The following NPAS3 variants were observed in gnomAD, a reference collection of about 807,000 sequenced individuals.
NPAS3 encodes the protein neuronal PAS domain protein 3, also known as neuronal PAS domain-containing protein 3.
Under a neutral mutation model 73.1 loss-of-function variants are expected in NPAS3, and 14 were observed. The observed-to-expected ratio is 0.19, with a 90% CI of 0.13 to 0.30. NPAS3 has a LOEUF of 0.30. Among genes scored for constraint, NPAS3 ranks in the 10% least tolerant of loss-of-function variants. NPAS3 has a pLI of 1.00. For synonymous variants in NPAS3, 620 were observed against 541.5 expected, an observed-to-expected ratio of 1.14 and a Z score of -2.01; for missense variants, 1,096 against 1,250.0, an observed-to-expected ratio of 0.88 and a Z score of 1.86.
intron 2 of NPAS3, among the ~76,000 whole-genome samples, chr14:33,103,778 G>A (rs555606838): frequency 3.9e-5 from 6 of 152,214 alleles, no homozygotes; most frequent in African/African-American, 9.6e-5. Flanking sequence ...GACTTTGTCC[G>A]GAGATTGTGT....
At chr14:33,693,287 T>C (rs1029726814) in intron 6 of NPAS3, among the ~76,000 whole-genome samples, 1 of 152,210 alleles carries the variant, frequency 6.6e-6, no homozygotes, top group Non-Finnish European at 1.5e-5. Flanking sequence ...TCAACTGTTA[T>C]GACCAATCCC....
At chr14:33,312,969 T>C (rs1205207565) in intron 3 of NPAS3, among the ~76,000 whole-genome samples, 2 of 152,034 alleles carry the variant, frequency 1.3e-5, no homozygotes, top group African/African-American at 4.8e-5. Flanking sequence ...ATTTAGAATA[T>C]TCTAGTGTCT....
At chr14:33,198,363 C>G (rs573791652) in intron 2 of NPAS3, among the ~76,000 whole-genome samples, 1 of 151,996 alleles carries the variant, frequency 6.6e-6, no homozygotes, top group East Asian at 1.9e-4. Context: ...GTCCATTTTA[C>G]AGAGAGCTGA....
At chr14:33,434,484 AC>A (rs1178741528) in intron 4 of NPAS3, among the ~76,000 whole-genome samples, 1 of 151,722 alleles carries the variant, frequency 6.6e-6, no homozygotes, top group Non-Finnish European at 1.5e-5. Context: ...CCGAGATCAC[AC>A]CACTGCACCC....
intron 4 of NPAS3, among the ~76,000 whole-genome samples, chr14:33,378,228 G>A (rs1346937813): frequency 6.6e-6 from 1 of 152,164 alleles, no homozygotes; most frequent in Non-Finnish European, 1.5e-5. Flanking sequence ...TATTAGCTGA[G>A]ATACAACACA....
intron 6 of NPAS3, among the ~76,000 whole-genome samples, chr14:33,692,188 T>TATTA (rs2060253942): frequency 6.6e-6 from 1 of 152,174 alleles, no homozygotes; most frequent in African/African-American, 2.4e-5. Flanking sequence ...CATTTTTCAT[T>TATTA]ATTATACAAC....
At chr14:33,181,525 A>C (rs910498729) in intron 2 of NPAS3, among the ~76,000 whole-genome samples, 1 of 152,204 alleles carries the variant, frequency 6.6e-6, no homozygotes, top group Non-Finnish European at 1.5e-5. Flanking sequence ...CTGTGATTTC[A>C]TATCTGTGCA....
chr14:33,376,659 G>A (rs993985379), intron 4 of NPAS3, among the ~76,000 whole-genome samples: 2 of 152,186 alleles, frequency 1.3e-5, no homozygotes, highest in Non-Finnish European at 2.9e-5. Flanking sequence ...AGACATGGGA[G>A]AGTATATGAC....
At chr14:33,454,271 T>C (rs1044762759) in intron 4 of NPAS3, among the ~76,000 whole-genome samples, 6 of 152,194 alleles carry the variant, frequency 3.9e-5, no homozygotes, top group Non-Finnish European at 7.3e-5. Context: ...ACAGAAGGAA[T>C]GCATGATTAT....
intron 3 of NPAS3, among the ~76,000 whole-genome samples, chr14:33,324,815 A>G (rs1008853856): frequency 1.3e-5 from 2 of 152,186 alleles, no homozygotes; most frequent in Admixed American, 6.5e-5. Flanking sequence ...TTACCATCGT[A>G]TTTAGAGTAA....
At chr14:33,380,040 G>T (rs2046476464) in intron 4 of NPAS3, among the ~76,000 whole-genome samples, 1 of 134,174 alleles carries the variant, frequency 7.5e-6, no homozygotes, top group Non-Finnish European at 1.7e-5. Flanking sequence ...CACAAAGTGG[G>T]GGGGAAAAAG....
intron 3 of NPAS3, among the ~76,000 whole-genome samples, chr14:33,254,961 A>T (rs1266054970): frequency 4.3e-5 from 6 of 138,270 alleles, no homozygotes; most frequent in Non-Finnish European, 9.3e-5. Context: ...AGGAATTTGT[A>T]AAAAAAAAAA....
intron 6 of NPAS3, among the ~76,000 whole-genome samples, chr14:33,725,449 G>C (rs997595110): frequency 2.6e-5 from 4 of 152,068 alleles, no homozygotes; most frequent in African/African-American, 9.7e-5. Context: ...ATAGCTGAGT[G>C]ATAACATTAT....
At chr14:32,983,852 G>A (rs2037994950) in intron 1 of NPAS3, among the ~76,000 whole-genome samples, 1 of 152,080 alleles carries the variant, frequency 6.6e-6, no homozygotes, top group African/African-American at 2.4e-5. Context: ...CTCCTGAGTA[G>A]CTGGGACTAC....
At chr14:32,963,989 T>A (rs957535053) in intron 1 of NPAS3, among the ~76,000 whole-genome samples, 10 of 151,882 alleles carry the variant, frequency 6.6e-5, no homozygotes, top group Non-Finnish European at 1.2e-4. Context: ...TACCTTAAAA[T>A]CATATTCAAA....
At chr14:33,008,230 G>A (rs924264411) in intron 1 of NPAS3, among the ~76,000 whole-genome samples, 2 of 151,900 alleles carry the variant, frequency 1.3e-5, no homozygotes, top group African/African-American at 2.4e-5. Flanking sequence ...AAATCTGCAC[G>A]GTTAAAAAAA....
chr14:33,308,527 T>TATATATATAC, intron 3 of NPAS3, among the ~76,000 whole-genome samples: 4 of 103,722 alleles, frequency 3.9e-5, no homozygotes, highest in South Asian at 2.6e-4. Flanking sequence ...TATATATATA[T>TATATATATAC]ACATACACAC....
At chr14:33,707,155 G>A (rs1204042892) in intron 6 of NPAS3, among the ~76,000 whole-genome samples, 1 of 152,086 alleles carries the variant, frequency 6.6e-6, no homozygotes, top group Admixed American at 6.5e-5. Flanking sequence ...TGATTAATAA[G>A]GCAGAATATA....
intron 5 of NPAS3, among the ~76,000 whole-genome samples, chr14:33,572,386 A>C (rs1332103009): frequency 3.9e-5 from 6 of 152,358 alleles, no homozygotes; most frequent in Middle Eastern, 3.4e-3. Context: ...CAAGTGCCCT[A>C]ACTAACATTT....
Sources: gnomAD v4.1 joint callset for allele counts (sites outside exome capture counted in the v4.1 genomes callset) on GRCh38, gnomAD v4.1.1 for gene constraint, MANE v1.5 for transcripts, NCBI Gene and HGNC (gene_info 2026-07-23, HGNC 2026-07-21) for gene names.